The following MICAL3 variants were observed in gnomAD, a reference collection of about 807,000 sequenced individuals.
MICAL3 encodes the protein microtubule associated monooxygenase, calponin and LIM domain containing 3, also known as [F-actin]-monooxygenase MICAL3.
MICAL3 carries 62 observed loss-of-function variants against 207.4 expected under a neutral mutation model. That is an observed-to-expected ratio of 0.30 (90% confidence interval 0.24 to 0.37). The LOEUF is 0.37. Among genes scored for constraint, MICAL3 ranks in the 10% least tolerant of loss-of-function variants. MICAL3 has a pLI of 1.00. For synonymous variants in MICAL3, 1,077 were observed against 1,069.3 expected (o/e 1.01, Z -0.14); for missense variants, 2,368 against 2,635.6 (o/e 0.90, Z 2.22).
At chr22:17,904,106 G>A (rs1931538445) in intron 3 of MICAL3, among the ~76,000 whole-genome samples, 1 of 152,250 alleles carries the variant, frequency 6.6e-6, no homozygotes, top group African/African-American at 2.4e-5. Flanking sequence ...CCAGAGGAAT[G>A]CCATTATCCC....
intron 1 of MICAL3, among the ~76,000 whole-genome samples, chr22:17,979,021 C>A (rs915679277): frequency 2.7e-5 from 4 of 150,152 alleles, no homozygotes; most frequent in Admixed American, 6.6e-5. Context: ...ACAAAAAATA[C>A]AAAACTTAGC....
rs766038216 is a variant in MICAL3, at chr22:17,821,457, C to G, written c.3501G>C (p.Leu1167=). The change falls in exon 25 of 32, where the codon CTG becomes CTC. Residue 1167 remains leucine, a synonymous_variant. Coordinates refer to ENST00000441493, the MANE Select transcript of MICAL3 (RefSeq NM_015241.3). ...PIRSPQESAL[L]FIPVHSPSTE... is the part of the protein sequence containing the mutation. ...TTGAGGGGCTGTGGACTGGAATGAA[C>G]AGAAGAGCTGATTCCTGGGGAGACC... 280 of 1,546,238 alleles carry G rather than the reference C, an allele frequency of 1.8e-4. No individual in the cohort carries two copies. Among genetic ancestry groups the G allele is most frequent in the Admixed American group, 2.2e-4 (11 of 49,372 alleles).
chr22:17,949,214 A>C (rs1184406738), intron 1 of MICAL3, among the ~76,000 whole-genome samples: 1 of 152,250 alleles, frequency 6.6e-6, no homozygotes, highest in African/African-American at 2.4e-5. Flanking sequence ...TATCTCGAAA[A>C]TAAATAAATA....
In MICAL3 at chr22:17,787,698, G is replaced by C. The variant is rs549971556; in HGVS notation, c.*3034C>G. ...CATAAAACAGACCCATTCCCTTTGT[G>C]GGTCAGATGTTACCACCTTTAAAAA... On this transcript the variant is annotated 3_prime_UTR_variant, in exon 32 of 32. Coordinates refer to ENST00000441493, the MANE Select transcript of MICAL3 (RefSeq NM_015241.3). 6.6e-6 allele frequency: 1 copy of C among 152,366 alleles called. No individual in the cohort carries two copies. The highest frequency in any genetic ancestry group is 2.4e-5 in the African/African-American group (1 of 41,588). The allele number at this position is 152,366 out of a possible 1,614,324, so 9.4% of individuals were successfully genotyped here.
rs758122855 is a variant in MICAL3 at position 17,822,211 on chromosome 22, T to C, written c.3308-41A>G. 1.9e-6 allele frequency: 3 copies of C among 1,590,664 alleles called. No individual in the cohort carries two copies. The African/African-American group carries it at 4.0e-5, about 21-fold the overall frequency. On this transcript the variant is annotated intron_variant, in intron 23 of 31. Transcript: ENST00000441493. ...GGCAGAAGTGGGTGCACACCCTAAG[T>C]GAGGCCAACTCCTTTTCCACCTGAG... is the stretch of plus-strand genomic sequence containing the variant.
Position 17,790,443 on chromosome 22 carries a change from G to T in MICAL3, c.*289C>A. The T allele has an allele frequency of 2.4e-6, 1 of 416,340 alleles. No individual in the cohort carries two copies. 25.8% of individuals were successfully genotyped at this position (416,340 alleles called of 1,614,324 possible). On this transcript the variant is annotated 3_prime_UTR_variant, in exon 32 of 32. Transcript: ENST00000441493. ...AAGGGGCACAGCCAGCACATCCTCA[G>T]GGAGCGCGCGGGGTGGTCCCCTGCG... is the stretch of plus-strand genomic sequence containing the variant.
At chr22:17,990,554 G>C (rs547473481) in intron 1 of MICAL3, among the ~76,000 whole-genome samples, 8 of 152,138 alleles carry the variant, frequency 5.3e-5, no homozygotes, top group Admixed American at 1.3e-4. Flanking sequence ...ACTGAGTCTC[G>C]GGAGGATAAG....
At chr22:17,821,830 C>T (rs1198219446) in intron 24 of MICAL3, among the ~76,000 whole-genome samples, 200 bp downstream of exon 24, 2 of 152,216 alleles carry the variant, frequency 1.3e-5, no homozygotes, top group Non-Finnish European at 2.9e-5. Flanking sequence ...AAGGAAAGGG[C>T]CTTTGGCCAA....
At chr22:17,968,624 C>T (rs556623612) in intron 1 of MICAL3, among the ~76,000 whole-genome samples, 2 of 152,196 alleles carry the variant, frequency 1.3e-5, no homozygotes, top group African/African-American at 4.8e-5. Context: ...AACTGAGAGC[C>T]GATACTCAAA....
At chr22:17,901,399 G>A (rs1931307330) in intron 5 of MICAL3, among the ~76,000 whole-genome samples, 2 of 152,124 alleles carry the variant, frequency 1.3e-5, no homozygotes, top group Admixed American at 6.5e-5. Flanking sequence ...TGGGCCAGGT[G>A]AGGTGGTTCA....
intron 1 of MICAL3, among the ~76,000 whole-genome samples, chr22:18,014,116 GAC>G (rs35404796): frequency 4.8e-4 from 71 of 147,792 alleles, no homozygotes; most frequent in East Asian, 7.9e-4. Flanking sequence ...CCCTCTCTTA[GAC>G]ACACACACAC....
chr22:17,849,365 C>G (rs1210770668), intron 19 of MICAL3, among the ~76,000 whole-genome samples: 1 of 152,186 alleles, frequency 6.6e-6, no homozygotes, highest in Non-Finnish European at 1.5e-5. Flanking sequence ...CACAGGGTCT[C>G]ACTCTATTGT....
At chr22:17,863,173 T>C in intron 19 of MICAL3, 1 of 985,436 alleles carries the variant, frequency 1.0e-6, no homozygotes, top group Non-Finnish European at 1.2e-6. Flanking sequence ...CTCGACCAGA[T>C]GGGAAAGTCA....
chr22:17,855,152 C>T (rs974298646), intron 19 of MICAL3, among the ~76,000 whole-genome samples: 1 of 152,192 alleles, frequency 6.6e-6, no homozygotes, highest in African/African-American at 2.4e-5. Context: ...CCAGGACTTC[C>T]CATGCACACT....
intron 23 of MICAL3, among the ~76,000 whole-genome samples, 180 bp from the exon 24 acceptor site, chr22:17,822,350 G>A (rs1290447737): frequency 1.3e-5 from 2 of 152,344 alleles, no homozygotes; most frequent in East Asian, 1.9e-4. Flanking sequence ...TGAGGGGCCC[G>A]GCCAAGAGCA....
At chr22:17,972,538 C>A (rs555704747) in intron 1 of MICAL3, among the ~76,000 whole-genome samples, 1 of 152,180 alleles carries the variant, frequency 6.6e-6, no homozygotes. Context: ...GCCTACAACA[C>A]ACAACAGCCC....
chr22:17,791,113 G>C (rs1407477997), intron 30 of MICAL3, 42 bp from the exon 31 acceptor site: 1 of 1,606,352 alleles, frequency 6.2e-7, no homozygotes, highest in Non-Finnish European at 8.5e-7. Context: ...ACAGTGACTG[G>C]GGACCACCCC....
At position 17,901,014 on chromosome 22, in the gene MICAL3, T is replaced by C. The variant is rs753693112; in HGVS notation, c.692-17A>G. The C allele has an allele frequency of 6.2e-7, 1 of 1,613,532 alleles. No individual in the cohort carries two copies. The highest frequency in any genetic ancestry group is 1.1e-5 in the South Asian group (1 of 91,068). On this transcript the variant is annotated splice_polypyrimidine_tract_variant and intron_variant, in intron 5 of 31. Transcript: ENST00000441493. ...GACGAAACCCTGGAGGGAAATAAAT[T>C]TTCAGAGGTGATAATCATTGGCTAG...
intron 1 of MICAL3, among the ~76,000 whole-genome samples, chr22:18,007,512 C>G (rs181699174): frequency 6.6e-6 from 1 of 150,922 alleles, no homozygotes; most frequent in South Asian, 2.1e-4. Flanking sequence ...TTCACTGCAG[C>G]CTTGCACTCC....
Sources: gnomAD v4.1 joint callset for allele counts (sites outside exome capture counted in the v4.1 genomes callset) on GRCh38, gnomAD v4.1.1 for gene constraint, MANE v1.5 for transcripts, NCBI Gene and HGNC (gene_info 2026-07-23, HGNC 2026-07-21) for gene names.